The following CREB3L2 variants were observed in gnomAD, a reference collection of about 807,000 sequenced individuals.
CREB3L2 encodes the protein cyclic AMP-responsive element-binding protein 3-like protein 2.
Under a neutral mutation model 57.2 loss-of-function variants are expected in CREB3L2, and 23 were observed. That is an observed-to-expected ratio of 0.40 (90% CI 0.29 to 0.57). The LOEUF (loss-of-function observed/expected upper bound fraction) is 0.57, where lower values mean the gene tolerates loss of function less well. Ranked by LOEUF, CREB3L2 falls within the 20% of genes least tolerant of loss-of-function variation. The probability of loss-of-function intolerance (pLI) is 0.42; values close to 1 mark genes in which losing one functional copy is unlikely to be tolerated. For synonymous variants in CREB3L2, 268 were observed against 265.1 expected (o/e 1.01, Z -0.11); for missense variants, 628 against 634.7 (o/e 0.99, Z 0.11).
chr7:137,995,067 C>G (rs554066241), intron 1 of CREB3L2, among the ~76,000 whole-genome samples: 1 of 152,258 alleles, frequency 6.6e-6, no homozygotes, highest in South Asian at 2.1e-4. Context: ...GGTCATATGA[C>G]CGAATCCTTA....
intron 1 of CREB3L2, among the ~76,000 whole-genome samples, chr7:137,967,834 C>T (rs989677535): frequency 4.6e-5 from 7 of 152,222 alleles, no homozygotes; most frequent in African/African-American, 1.7e-4. Context: ...CCAACCATCA[C>T]CTCCCCTCAC....
chr7:137,992,657 G>A (rs1192823403), intron 1 of CREB3L2, among the ~76,000 whole-genome samples: 2 of 152,186 alleles, frequency 1.3e-5, no homozygotes, highest in African/African-American at 2.4e-5. Flanking sequence ...GAGCCCAGGG[G>A]AACATACAGA....
intron 2 of CREB3L2, among the ~76,000 whole-genome samples, chr7:137,919,283 T>C (rs1293565871): frequency 1.3e-5 from 2 of 152,028 alleles, no homozygotes; most frequent in Non-Finnish European, 2.9e-5. Context: ...GCGATTCTCC[T>C]GCCTCAGCCT....
rs909396339 is a variant in CREB3L2, at chr7:137,877,649, A to C, written c.*2827T>G. On this transcript the variant is annotated 3_prime_UTR_variant, in exon 12 of 12. Transcript: ENST00000330387. ...ACTTGTTTACATGATGAAAAATATAATTAAGAGATTGACTCTTTATGGCTT... is the reference window on the plus strand; with the variant it reads ...ACTTGTTTACATGATGAAAAATATACTTAAGAGATTGACTCTTTATGGCTT... 8.9e-6 allele frequency: 2 copies of C among 225,670 alleles called. No homozygotes were observed. The highest frequency in any genetic ancestry group is 4.5e-5 in the African/African-American group (2 of 44,900). 14.0% of individuals were successfully genotyped at this position (225,670 alleles called of 1,614,324 possible).
chr7:137,927,096 C>T (rs1293280959), intron 2 of CREB3L2, among the ~76,000 whole-genome samples: 1 of 151,796 alleles, frequency 6.6e-6, no homozygotes, highest in Non-Finnish European at 1.5e-5. Context: ...GAGGTCAAGG[C>T]TACAGTGAGC....
chr7:137,918,836 A>G (rs1484882145), intron 2 of CREB3L2, among the ~76,000 whole-genome samples: 1 of 152,236 alleles, frequency 6.6e-6, no homozygotes, highest in Non-Finnish European at 1.5e-5. Context: ...AAGTGTGCAC[A>G]TTCGTAAAAC....
intron 1 of CREB3L2, among the ~76,000 whole-genome samples, chr7:137,935,208 T>G (rs935914209): frequency 2.0e-5 from 3 of 152,184 alleles, no homozygotes; most frequent in African/African-American, 7.2e-5. Flanking sequence ...GTCATGAGAA[T>G]TAAACTAAAT....
chr7:137,942,173 A>G (rs1369179315), intron 1 of CREB3L2, among the ~76,000 whole-genome samples: 1 of 152,236 alleles, frequency 6.6e-6, no homozygotes, highest in Non-Finnish European at 1.5e-5. Flanking sequence ...ACCAGCAATT[A>G]TAATTTTTAG....
intron 1 of CREB3L2, among the ~76,000 whole-genome samples, chr7:137,971,429 A>G (rs1210817833): frequency 1.3e-5 from 2 of 150,266 alleles, no homozygotes; most frequent in Non-Finnish European, 3.0e-5. Flanking sequence ...CAGCCTGGGC[A>G]TCAGAGCGAG....
At chr7:137,961,549 C>T (rs1801323030) in intron 1 of CREB3L2, among the ~76,000 whole-genome samples, 1 of 152,170 alleles carries the variant, frequency 6.6e-6, no homozygotes. Context: ...AGACAGAATG[C>T]GTCTTCTGTG....
At chr7:137,973,894 C>T (rs1801560491) in intron 1 of CREB3L2, among the ~76,000 whole-genome samples, 1 of 152,160 alleles carries the variant, frequency 6.6e-6, no homozygotes, top group Non-Finnish European at 1.5e-5. Flanking sequence ...ATTGCATGTT[C>T]TGGGGAGTAT....
chr7:137,943,413 G>A (rs942767902), intron 1 of CREB3L2, among the ~76,000 whole-genome samples: 2 of 152,150 alleles, frequency 1.3e-5, no homozygotes, highest in Non-Finnish European at 2.9e-5. Context: ...CCTTTCAACA[G>A]CTGGTCTCTG....
At chr7:137,943,373 A>C (rs1229984517) in intron 1 of CREB3L2, among the ~76,000 whole-genome samples, 1 of 149,918 alleles carries the variant, frequency 6.7e-6, no homozygotes, top group African/African-American at 2.4e-5. Flanking sequence ...TGGCTGAGCT[A>C]ACAGCTGGGC....
At chr7:137,946,868 A>AGT (rs1800998626) in intron 1 of CREB3L2, among the ~76,000 whole-genome samples, 1 of 56,514 alleles carries the variant, frequency 1.8e-5, no homozygotes, top group African/African-American at 1.0e-4. Flanking sequence ...ATATAGTTAT[A>AGT]TATATAGTTA....
At chr7:137,890,145 C>A (rs571608530) in intron 8 of CREB3L2, among the ~76,000 whole-genome samples, 4 of 152,018 alleles carry the variant, frequency 2.6e-5, no homozygotes, top group Non-Finnish European at 4.4e-5. Flanking sequence ...AAGCCATAGA[C>A]GGAAGAGCCA....
intron 8 of CREB3L2, among the ~76,000 whole-genome samples, chr7:137,889,213 A>G (rs1207645695): frequency 6.6e-6 from 1 of 152,142 alleles, no homozygotes; most frequent in East Asian, 1.9e-4. Context: ...GTGCCTCCTG[A>G]AAACAGACTT....
intron 1 of CREB3L2, among the ~76,000 whole-genome samples, chr7:137,988,475 C>A (rs1801827190): frequency 6.6e-6 from 1 of 152,208 alleles, no homozygotes; most frequent in Admixed American, 6.5e-5. Context: ...CCAATTAGGG[C>A]TTGTTTCTAT....
At chr7:137,973,967 G>C (rs77664231) in intron 1 of CREB3L2, among the ~76,000 whole-genome samples, 1 of 151,922 alleles carries the variant, frequency 6.6e-6, no homozygotes, top group Non-Finnish European at 1.5e-5. Context: ...AGCCAAGACC[G>C]AGAAATGATG....
At chr7:137,940,888 T>C (rs1475228586) in intron 1 of CREB3L2, among the ~76,000 whole-genome samples, 2 of 152,118 alleles carry the variant, frequency 1.3e-5, no homozygotes, top group Non-Finnish European at 2.9e-5. Context: ...CAAAGTACTG[T>C]TTGTGTTGTT....
Sources: allele counts gnomAD v4.1 joint callset (sites outside exome capture counted in the v4.1 genomes callset), GRCh38; gene constraint gnomAD v4.1.1; transcripts MANE v1.5; gene names NCBI Gene and HGNC (gene_info 2026-07-23, HGNC 2026-07-21).